CAMK2D: variants seen among roughly 807,000 people sequenced by gnomAD.
CAMK2D encodes the protein calcium/calmodulin dependent protein kinase II delta.
CAMK2D carries 37 observed loss-of-function variants against 84.0 expected under a neutral mutation model. The observed-to-expected ratio is 0.44, with a 90% CI of 0.34 to 0.58. CAMK2D has a LOEUF of 0.58. CAMK2D is among the 20% of genes least tolerant of loss of function. The pLI is 0.02. For synonymous variants in CAMK2D, 202 were observed against 212.5 expected, an observed-to-expected ratio of 0.95 and a Z score of 0.43; for missense variants, 448 against 652.5, an observed-to-expected ratio of 0.69 and a Z score of 3.41.
rs182019747 is a variant in CAMK2D at position 113,605,676 on chromosome 4, A to G, written c.275+3476T>C. On this transcript the variant is annotated intron_variant, in intron 4 of 20. Transcript: ENST00000511664. ...GCTGCTTAAAAAATATGGTAGGTGT[A>G]TTGCTCCCAGTAAATATAGAAAAAA... 5.9e-5 allele frequency among the ~76,000 whole-genome samples: 9 copies of G among 152,310 alleles called. No homozygotes were observed. In the East Asian group the frequency reaches 1.7e-3, roughly 29 times the overall value.
intron 2 of CAMK2D, among the ~76,000 whole-genome samples, chr4:113,689,047 A>G (rs1473912167): frequency 6.6e-6 from 1 of 151,890 alleles, no homozygotes; most frequent in South Asian, 2.1e-4. Context: ...GATCGAGACC[A>G]TCCTGGCCAA....
intron 6 of CAMK2D, 101 bp from the exon 7 acceptor site, chr4:113,537,544 T>C (rs1049130495): frequency 4.4e-6 from 3 of 679,188 alleles, no homozygotes; most frequent in Admixed American, 2.5e-5. Context: ...AAAAAATTCA[T>C]GCACTGTCAT....
intron 17 of CAMK2D, among the ~76,000 whole-genome samples, chr4:113,462,597 A>G (rs1320496220): frequency 6.6e-6 from 1 of 152,172 alleles, no homozygotes; most frequent in Non-Finnish European, 1.5e-5. Flanking sequence ...AGGCAAAGAT[A>G]TTAGTGAACT....
chr4:113,754,419 T>G, intron 2 of CAMK2D: 1 of 957,234 alleles, frequency 1.0e-6, no homozygotes, highest in Non-Finnish European at 1.2e-6. Flanking sequence ...AGATTTCTAG[T>G]AATTCGTGAT....
intron 4 of CAMK2D, among the ~76,000 whole-genome samples, chr4:113,569,407 A>G (rs1209209857): frequency 6.6e-6 from 1 of 152,156 alleles, no homozygotes; most frequent in Non-Finnish European, 1.5e-5. Flanking sequence ...TAAGTTTTGC[A>G]TATGGTGTAA....
At chr4:113,541,488 C>A (rs1367796210) in intron 6 of CAMK2D, among the ~76,000 whole-genome samples, 1 of 152,096 alleles carries the variant, frequency 6.6e-6, no homozygotes, top group Non-Finnish European at 1.5e-5. Context: ...AAGGCAATAG[C>A]CTTTAGCATT....
rs76398048 is a variant in CAMK2D at position 113,692,298 on chromosome 4, G to A, written c.161-30526C>T. Among the ~76,000 whole-genome samples, 1,075 of 151,972 alleles carry A rather than the reference G, an allele frequency of 7.1e-3. 18 individuals are homozygous for A. Among genetic ancestry groups the A allele is most frequent in the African/African-American group, 0.024 (995 of 41,430 alleles). ...AAATAAGTAACATCAATTTGATATC[G>A]TTCACTACATTAAAATATGGCCATA... is the stretch of plus-strand genomic sequence containing the variant. On this transcript the variant is annotated intron_variant, in intron 2 of 20. Coordinates refer to ENST00000511664, the MANE Select transcript of CAMK2D (RefSeq NM_001321571.2).
chr4:113,712,920 T>C (rs1348074945), intron 2 of CAMK2D, among the ~76,000 whole-genome samples: 2 of 152,092 alleles, frequency 1.3e-5, no homozygotes, highest in Admixed American at 6.6e-5. Context: ...ACTATACATG[T>C]ATATCCACAA....
chr4:113,497,627 A>T (rs2097956687), intron 16 of CAMK2D, among the ~76,000 whole-genome samples: 2 of 152,206 alleles, frequency 1.3e-5, no homozygotes, highest in Non-Finnish European at 2.9e-5. Context: ...CCGGGTTACC[A>T]CAGTGTTTAA....
At chr4:113,663,514 G>A (rs970715315) in intron 2 of CAMK2D, among the ~76,000 whole-genome samples, 6 of 151,784 alleles carry the variant, frequency 4.0e-5, no homozygotes, top group African/African-American at 7.3e-5. Context: ...ACTTGAACCC[G>A]GGAGATGGAT....
At chr4:113,500,212 G>A (rs987081267) in intron 16 of CAMK2D, among the ~76,000 whole-genome samples, 18 of 151,862 alleles carry the variant, frequency 1.2e-4, no homozygotes, top group African/African-American at 3.6e-4. Flanking sequence ...TGTCATTACT[G>A]CAATGTGCTA....
intron 3 of CAMK2D, among the ~76,000 whole-genome samples, chr4:113,627,558 T>G (rs750439167): frequency 6.6e-6 from 1 of 152,166 alleles, no homozygotes; most frequent in African/African-American, 2.4e-5. Flanking sequence ...GTAAAAGGCA[T>G]TACAACTCAT....
intron 2 of CAMK2D, among the ~76,000 whole-genome samples, chr4:113,703,264 G>A (rs2099428592): frequency 6.6e-6 from 1 of 152,116 alleles, no homozygotes; most frequent in Non-Finnish European, 1.5e-5. Flanking sequence ...GTATATTAGT[G>A]GTGTAGAGAA....
chr4:113,488,091 G>GA (rs2097783190), intron 16 of CAMK2D, among the ~76,000 whole-genome samples: 3 of 151,536 alleles, frequency 2.0e-5, no homozygotes, highest in African/African-American at 7.3e-5. Flanking sequence ...GCCATAATCT[G>GA]AAAAAATAAA....
At chr4:113,697,170 C>T (rs779546893) in intron 2 of CAMK2D, among the ~76,000 whole-genome samples, 2 of 152,060 alleles carry the variant, frequency 1.3e-5, no homozygotes, top group Non-Finnish European at 2.9e-5. Flanking sequence ...GCAAAATCTA[C>T]ATATGGAAAC....
intron 8 of CAMK2D, among the ~76,000 whole-genome samples, chr4:113,527,292 A>G (rs1417045283): frequency 1.3e-5 from 2 of 151,026 alleles, no homozygotes; most frequent in Non-Finnish European, 2.9e-5. Flanking sequence ...TTTTGTAGAG[A>G]TGGGTCATCC....
At chr4:113,743,519 CTCT>C (rs932079788) in intron 2 of CAMK2D, among the ~76,000 whole-genome samples, 13 of 152,172 alleles carry the variant, frequency 8.5e-5, no homozygotes, top group African/African-American at 1.7e-4. Flanking sequence ...ACTTCTATTT[CTCT>C]TCTTCTCAGC....
chr4:113,652,126 G>A (rs1348832597), intron 3 of CAMK2D, among the ~76,000 whole-genome samples: 1 of 152,142 alleles, frequency 6.6e-6, no homozygotes, highest in African/African-American at 2.4e-5. Context: ...GTATTGAAGA[G>A]CACAGATTGT....
At chr4:113,743,377 C>T (rs1338119306) in intron 2 of CAMK2D, among the ~76,000 whole-genome samples, 1 of 152,168 alleles carries the variant, frequency 6.6e-6, no homozygotes, top group Admixed American at 6.5e-5. Flanking sequence ...GTTCTGGGAG[C>T]CATTTTTGGA....
Sources: gnomAD v4.1 joint callset for allele counts (sites outside exome capture counted in the v4.1 genomes callset) on GRCh38, gnomAD v4.1.1 for gene constraint, MANE v1.5 for transcripts, NCBI Gene and HGNC (gene_info 2026-07-23, HGNC 2026-07-21) for gene names.